Variants in PARD3B observed in about 807,000 individuals in gnomAD.
PARD3B encodes par-3 family cell polarity regulator beta, also known as partitioning defective 3 homolog B.
In PARD3B, 103 loss-of-function variants were observed where a neutral mutation model predicts 130.2. The ratio of observed to expected loss-of-function variants is 0.79; its 90% CI spans 0.67 to 0.93. PARD3B has a LOEUF of 0.93. PARD3B is among the 40% of genes least tolerant of loss of function. The probability of loss-of-function intolerance (pLI) is 0.00; values close to 1 mark genes in which losing one functional copy is unlikely to be tolerated. For synonymous variants in PARD3B, 583 were observed against 553.2 expected (o/e 1.05, Z -0.76); for missense variants, 1,609 against 1,499.2 (o/e 1.07, Z -1.21).
intron 4 of PARD3B, among the ~76,000 whole-genome samples, chr2:205,086,650 G>A (rs888377093): frequency 6.6e-6 from 1 of 152,136 alleles, no homozygotes; most frequent in African/African-American, 2.4e-5. Context: ...TGGAGGAAAT[G>A]GGGGGAAACC....
intron 1 of PARD3B, among the ~76,000 whole-genome samples, chr2:204,597,819 T>C (rs1268125089): frequency 6.6e-6 from 1 of 152,202 alleles, no homozygotes; most frequent in Non-Finnish European, 1.5e-5. Context: ...AAGAGATCTT[T>C]GGAAACATGT....
At chr2:205,333,517 C>G (rs1174315998) in intron 18 of PARD3B, among the ~76,000 whole-genome samples, 1 of 152,032 alleles carries the variant, frequency 6.6e-6, no homozygotes, top group East Asian at 1.9e-4. Context: ...TCCTAACCAC[C>G]CTGGGCTTCT....
chr2:205,037,529 A>G (rs1698080938), intron 3 of PARD3B, among the ~76,000 whole-genome samples: 1 of 147,900 alleles, frequency 6.8e-6, no homozygotes, highest in South Asian at 2.1e-4. Flanking sequence ...AAATATGTAT[A>G]TAGTGTACTA....
At chr2:205,197,238 T>A (rs1574357318) in intron 15 of PARD3B, among the ~76,000 whole-genome samples, 1 of 152,340 alleles carries the variant, frequency 6.6e-6, no homozygotes, top group East Asian at 1.9e-4. Flanking sequence ...TGTTTAATTT[T>A]AGTAAGTGAT....
At position 205,499,963 on chromosome 2, in the gene PARD3B, A is replaced by C. The variant is rs148236967; in HGVS notation, c.3112A>C (p.Arg1038=). The C allele has an allele frequency of 6.2e-7, 1 of 1,613,880 alleles. No homozygotes were observed. The highest frequency in any genetic ancestry group is 2.2e-5 in the East Asian group (1 of 44,874). The change falls in exon 21 of 23, where the codon AGG becomes CGG. Residue 1038 remains arginine (R), a synonymous_variant. Transcript: ENST00000406610. Reference sequence around the variant, plus strand: ...GCGGAAAGAGTATTATCAGGCTCGGAGGGAAGGTTTCCCTTTATATGAAGA... The same window carrying C: ...GCGGAAAGAGTATTATCAGGCTCGGCGGGAAGGTTTCCCTTTATATGAAGA... ...KLRKEYYQAR[R]EGFPLYEDDE... is the part of the protein sequence containing the mutation.
chr2:205,081,562 G>A (rs1701407873), intron 4 of PARD3B, among the ~76,000 whole-genome samples: 1 of 151,960 alleles, frequency 6.6e-6, no homozygotes, highest in Non-Finnish European at 1.5e-5. Context: ...CCTATGTTAG[G>A]TTGAAGAAGG....
chr2:205,399,256 G>A (rs1198435601), intron 18 of PARD3B, among the ~76,000 whole-genome samples: 1 of 152,046 alleles, frequency 6.6e-6, no homozygotes, highest in South Asian at 2.1e-4. Context: ...GGCAACAAGA[G>A]TGAAACTCCA....
At chr2:205,285,201 C>T (rs1253010599) in intron 16 of PARD3B, among the ~76,000 whole-genome samples, 2 of 152,050 alleles carry the variant, frequency 1.3e-5, no homozygotes, top group African/African-American at 2.4e-5. Context: ...AATGATATTA[C>T]CCCTCTGTGG....
chr2:205,615,826 G>C lies in PARD3B; in HGVS notation c.*13G>C, dbSNP rs766370209. On this transcript the variant is annotated 3_prime_UTR_variant, in exon 23 of 23. Coordinates refer to ENST00000406610, the MANE Select transcript of PARD3B (RefSeq NM_001302769.2). ...TGCAGCCGTATAGCTGAGTGCCACCGAGGCCAGCCCGGTCCAGAAAGGAAG... is the reference window on the plus strand; with the variant it reads ...TGCAGCCGTATAGCTGAGTGCCACCCAGGCCAGCCCGGTCCAGAAAGGAAG... 69 of 1,599,214 alleles carry C rather than the reference G, an allele frequency of 4.3e-5. No homozygotes were observed. The highest frequency in any genetic ancestry group is 5.8e-5 in the Non-Finnish European group (68 of 1,170,168).
At chr2:205,277,472 A>G (rs2040995021) in intron 16 of PARD3B, among the ~76,000 whole-genome samples, 3 of 152,216 alleles carry the variant, frequency 2.0e-5, no homozygotes, top group Non-Finnish European at 4.4e-5. Context: ...TTATTATAAT[A>G]CATTGTGGTA....
intron 15 of PARD3B, among the ~76,000 whole-genome samples, chr2:205,216,898 G>A (rs1410908807): frequency 6.6e-6 from 1 of 152,102 alleles, no homozygotes; most frequent in Non-Finnish European, 1.5e-5. Flanking sequence ...GAAGGTACCA[G>A]AGGCCTAGGC....
chr2:204,698,549 G>GT lies in PARD3B; in HGVS notation c.222+12277dup, dbSNP rs563503534. Among the ~76,000 whole-genome samples, 588 of 147,044 alleles carry GT rather than the reference G, an allele frequency of 4.0e-3. 6 individuals are homozygous for GT. The East Asian group carries it at 0.052, about 13-fold the overall frequency. On this transcript the variant is annotated intron_variant, in intron 2 of 22. Coordinates refer to ENST00000406610, the MANE Select transcript of PARD3B (RefSeq NM_001302769.2). ...TTTGTTATCCTTGATTGTTGATTGG[G>GT]TTTTTTTTTTCTGGAAGAAATAATT... is the stretch of plus-strand genomic sequence containing the variant.
chr2:204,565,703 T>C (rs2031632728), intron 1 of PARD3B, among the ~76,000 whole-genome samples: 1 of 152,158 alleles, frequency 6.6e-6, no homozygotes, highest in African/African-American at 2.4e-5. Context: ...CATCATTCAT[T>C]CTCAAGAAAT....
Position 204,677,605 on chromosome 2 carries a change from G to A in PARD3B, c.121-8576G>A, listed in dbSNP as rs1471113880. Among the ~76,000 whole-genome samples, 1 of 152,182 alleles carries A rather than the reference G, an allele frequency of 6.6e-6. No individual in the cohort carries two copies. Among genetic ancestry groups the A allele is most frequent in the African/African-American group, 2.4e-5 (1 of 41,426 alleles). ...TCAAATCTGACAAAATACTCTAAAT[G>A]TAGTGGGACCACTTTGGCACAGAGT... is the stretch of plus-strand genomic sequence containing the variant. On this transcript the variant is annotated intron_variant, in intron 1 of 22. Coordinates refer to ENST00000406610, the MANE Select transcript of PARD3B (RefSeq NM_001302769.2). The surrounding 1 kb of genome is among the most constrained non-coding windows in gnomAD (Gnocchi z 4.1).
chr2:204,816,839 C>T (rs975213915), intron 2 of PARD3B, among the ~76,000 whole-genome samples: 1 of 152,034 alleles, frequency 6.6e-6, no homozygotes, highest in African/African-American at 2.4e-5. Flanking sequence ...TCTCTTCCCC[C>T]TCTCTTTTAG....
Position 205,590,322 on chromosome 2 carries a change from C to G in PARD3B, c.3261-25134C>G, listed in dbSNP as rs2054339376. 6.6e-6 allele frequency among the ~76,000 whole-genome samples: 1 copy of G among 152,156 alleles called. No homozygotes were observed. The highest frequency in any genetic ancestry group is 2.4e-5 in the African/African-American group (1 of 41,428). ...TGTTTTCTTCATTGTTGGCTTTGCT[C>G]TCAGGCACGCTCTTCCACCATGGTG... is the stretch of plus-strand genomic sequence containing the variant. On this transcript the variant is annotated intron_variant, in intron 22 of 22. Coordinates refer to ENST00000406610, the MANE Select transcript of PARD3B (RefSeq NM_001302769.2). This position sits in a 1 kb window ranked among gnomAD's most constrained non-coding sequence, Gnocchi z 4.1.
chr2:205,278,404 G>C (rs78280581), intron 16 of PARD3B, among the ~76,000 whole-genome samples: 74 of 152,274 alleles, frequency 4.9e-4, no homozygotes, highest in South Asian at 2.1e-3. Context: ...ATAGGCTTGG[G>C]GGGGAGAGGG....
intron 2 of PARD3B, among the ~76,000 whole-genome samples, chr2:204,922,143 C>T (rs546938641): frequency 6.6e-6 from 1 of 152,146 alleles, no homozygotes; most frequent in Admixed American, 6.5e-5. Context: ...TGGCAAAGAA[C>T]ACTGGTTAGG....
intron 2 of PARD3B, among the ~76,000 whole-genome samples, chr2:204,790,259 T>C (rs2042155046): frequency 6.6e-6 from 1 of 152,214 alleles, no homozygotes; most frequent in Non-Finnish European, 1.5e-5. Context: ...TTGTTTGTTT[T>C]GCAGTTAAAA....
Sources: allele counts gnomAD v4.1 joint callset (sites outside exome capture counted in the v4.1 genomes callset), GRCh38; gene constraint gnomAD v4.1.1; non-coding constraint Gnocchi (gnomAD v3.1); transcripts MANE v1.5; gene names NCBI Gene and HGNC (gene_info 2026-07-23, HGNC 2026-07-21).